The following PDE11A variants were observed in gnomAD, a reference collection of about 807,000 sequenced individuals.
The protein encoded by PDE11A is phosphodiesterase 11A, also known as dual 3',5'-cyclic-AMP and -GMP phosphodiesterase 11A.
In PDE11A, 100 loss-of-function variants were observed where a neutral mutation model predicts 100.5. The ratio of observed to expected loss-of-function variants is 1.00; its 90% CI spans 0.85 to 1.18. PDE11A has a LOEUF of 1.18. PDE11A is among the 50% of genes most tolerant of loss of function. PDE11A has a pLI of 0.00. For missense variants in PDE11A, 1,141 were observed against 1,152.6 expected (o/e 0.99, Z 0.15); for synonymous variants, 381 against 420.8 (o/e 0.91, Z 1.16).
At chr2:178,007,201 G>T (rs1013537040) in intron 2 of PDE11A, among the ~76,000 whole-genome samples, 1 of 152,146 alleles carries the variant, frequency 6.6e-6, no homozygotes, top group Non-Finnish European at 1.5e-5. Flanking sequence ...AAACATATTT[G>T]GAGAACTTAA....
At chr2:177,639,906 T>A (rs2080113781) in intron 19 of PDE11A, among the ~76,000 whole-genome samples, 1 of 152,184 alleles carries the variant, frequency 6.6e-6, no homozygotes, top group Admixed American at 6.5e-5. Flanking sequence ...TAAAACCAGA[T>A]TAGTGTTTGA....
intron 1 of PDE11A, among the ~76,000 whole-genome samples, chr2:178,045,655 CAGT>C (rs926060715): frequency 2.6e-5 from 4 of 152,170 alleles, no homozygotes; most frequent in African/African-American, 7.2e-5. Context: ...TCACTACTGT[CAGT>C]AGTAGTAGTA....
rs1320300765 is a variant in PDE11A, at chr2:178,057,163, G to A, written c.912+14363C>T. ...ATTAACTGTTGTGATCACTGTCTTT[G>A]GAAATGTCATTTAGCTGTTTAACAA... is the stretch of plus-strand genomic sequence containing the variant. On this transcript the variant is annotated intron_variant, in intron 1 of 19. Transcript: ENST00000286063. Among the ~76,000 whole-genome samples, 7 of 152,244 alleles carry A rather than the reference G, an allele frequency of 4.6e-5. No individual in the cohort carries two copies. The East Asian group carries it at 1.4e-3, about 29-fold the overall frequency.
At chr2:177,864,881 C>T (rs189855393) in intron 5 of PDE11A, among the ~76,000 whole-genome samples, 24 of 152,232 alleles carry the variant, frequency 1.6e-4, no homozygotes, top group African/African-American at 3.1e-4. Flanking sequence ...AGTAATCATA[C>T]GGGTCATTTT....
chr2:177,884,771 A>G (rs2084399862), intron 4 of PDE11A, among the ~76,000 whole-genome samples: 1 of 152,204 alleles, frequency 6.6e-6, no homozygotes, highest in African/African-American at 2.4e-5. Context: ...GAGTCAGGAG[A>G]AAAATGTCCT....
At chr2:177,964,619 T>C (rs2085676050) in intron 2 of PDE11A, among the ~76,000 whole-genome samples, 1 of 152,240 alleles carries the variant, frequency 6.6e-6, no homozygotes, top group Non-Finnish European at 1.5e-5. Flanking sequence ...AGCTTCTACT[T>C]AAAAGTGGGA....
chr2:177,940,342 T>C (rs1012511450), intron 2 of PDE11A, among the ~76,000 whole-genome samples: 1 of 152,224 alleles, frequency 6.6e-6, no homozygotes, highest in African/African-American at 2.4e-5. Context: ...GTTATGTTTT[T>C]TTGAAGACAT....
chr2:178,021,970 C>G (rs982690313), intron 1 of PDE11A, among the ~76,000 whole-genome samples: 1 of 152,078 alleles, frequency 6.6e-6, no homozygotes, highest in African/African-American at 2.4e-5. Context: ...GAGAGGGTGT[C>G]TAGTAACTAG....
chr2:177,832,913 A>C (rs1227621960), intron 6 of PDE11A, among the ~76,000 whole-genome samples: 1 of 152,162 alleles, frequency 6.6e-6, no homozygotes, highest in African/African-American at 2.4e-5. Context: ...CAATGCATAA[A>C]ATTCCAAGTC....
At chr2:177,631,811 G>A (rs58442927) in intron 19 of PDE11A, among the ~76,000 whole-genome samples, 4,041 of 151,666 alleles carry the variant, frequency 0.027, 94 homozygotes, top group South Asian at 0.071. Context: ...CATCCCACGT[G>A]GATGAGGGGG....
At chr2:177,779,955 A>T (rs2082431702) in intron 9 of PDE11A, among the ~76,000 whole-genome samples, 1 of 152,226 alleles carries the variant, frequency 6.6e-6, no homozygotes, top group South Asian at 2.1e-4. Context: ...TGTATTTCTT[A>T]AATAATAAGA....
intron 10 of PDE11A, among the ~76,000 whole-genome samples, chr2:177,763,998 G>C (rs964586912): frequency 1.3e-5 from 2 of 152,234 alleles, no homozygotes; most frequent in Admixed American, 1.3e-4. Flanking sequence ...AGCTGTAAAG[G>C]CAGTCTTGAG....
chr2:178,041,752 A>G (rs1340118354), intron 1 of PDE11A, among the ~76,000 whole-genome samples: 1 of 152,196 alleles, frequency 6.6e-6, no homozygotes, highest in African/African-American at 2.4e-5. Context: ...AGGCATCGAA[A>G]GCACTAAATT....
intron 2 of PDE11A, among the ~76,000 whole-genome samples, chr2:178,089,424 T>C (rs925932806): frequency 1.3e-5 from 2 of 152,168 alleles, no homozygotes; most frequent in Non-Finnish European, 2.9e-5. Flanking sequence ...GTAAGCTCAG[T>C]GGACGGAAAA....
chr2:177,793,326 CTT>C (rs1163110319), intron 9 of PDE11A, among the ~76,000 whole-genome samples: 2 of 152,134 alleles, frequency 1.3e-5, no homozygotes, highest in Non-Finnish European at 2.9e-5. Flanking sequence ...ACCACTCTGA[CTT>C]TTGTGGCATT....
intron 2 of PDE11A, among the ~76,000 whole-genome samples, chr2:177,943,358 A>C (rs34528505): frequency 0.063 from 9,608 of 152,188 alleles, 315 homozygotes; most frequent in South Asian, 0.094. Flanking sequence ...AGGGTTCCAA[A>C]TTTCTCCATA....
At chr2:178,081,656 C>T (rs183348584) in intron 2 of PDE11A, among the ~76,000 whole-genome samples, 11 of 152,290 alleles carry the variant, frequency 7.2e-5, no homozygotes, top group African/African-American at 2.4e-4. Flanking sequence ...CTGACACTGA[C>T]GTTGGAGGGA....
chr2:178,076,336 C>A (rs1487267780), upstream of PDE11A, among the ~76,000 whole-genome samples: 1 of 152,166 alleles, frequency 6.6e-6, no homozygotes, highest in Non-Finnish European at 1.5e-5. Context: ...CATGGCCAAT[C>A]AGCATTTATT....
intron 19 of PDE11A, among the ~76,000 whole-genome samples, chr2:177,662,345 C>T (rs997309101): frequency 6.6e-6 from 1 of 152,206 alleles, no homozygotes; most frequent in African/African-American, 2.4e-5. Context: ...CACCCCAATA[C>T]ATATCTTCAT....
Sources: allele counts gnomAD v4.1 joint callset (sites outside exome capture counted in the v4.1 genomes callset), GRCh38; gene constraint gnomAD v4.1.1; transcripts MANE v1.5; gene names NCBI Gene and HGNC (gene_info 2026-07-23, HGNC 2026-07-21).